Variants in MEMO1 observed in about 807,000 individuals in gnomAD.
MEMO1 encodes protein MEMO1.
In MEMO1, 6 loss-of-function variants were observed where a neutral mutation model predicts 45.2. The observed-to-expected ratio is 0.13, with a 90% CI of 0.07 to 0.26. The LOEUF is 0.26. Among genes scored for constraint, MEMO1 ranks in the 10% least tolerant of loss-of-function variants. The pLI is 1.00. For synonymous variants in MEMO1, 78 were observed against 124.3 expected (o/e 0.63, Z 2.48); for missense variants, 184 against 370.5 (o/e 0.50, Z 4.13).
At chr2:31,869,973 G>T in intron 8 of MEMO1, 21 bp from the exon 9 acceptor site, 2 of 1,306,716 alleles carry the variant, frequency 1.5e-6, no homozygotes, top group East Asian at 2.7e-5. Flanking sequence ...AAAAAAAGAA[G>T]AGGAAGAAAA....
In MEMO1 at chr2:31,959,072, A is replaced by G. The variant is rs139682081; in HGVS notation, c.62-15689T>C. On this transcript the variant is annotated intron_variant, in intron 2 of 9. Coordinates refer to ENST00000404530, the MANE Select transcript of MEMO1 (RefSeq NM_001301833.4). ...GAATAATAATACCAGTACCAATAAC[A>G]AGATCAAGGAAAGCCATGAAGTTTG... 7.6e-3 allele frequency among the ~76,000 whole-genome samples: 1,160 copies of G among 152,316 alleles called. 16 individuals carry two copies. The highest frequency in any genetic ancestry group is 0.024 in the African/African-American group (989 of 41,560).
chr2:31,942,234 T>TA (rs1329356899), intron 3 of MEMO1, among the ~76,000 whole-genome samples: 1 of 152,124 alleles, frequency 6.6e-6, no homozygotes, highest in South Asian at 2.1e-4. Context: ...TTTTCTCAAT[T>TA]AAAAAAAGAC....
chr2:31,911,019 G>A (rs1319309769), intron 6 of MEMO1, among the ~76,000 whole-genome samples: 1 of 151,546 alleles, frequency 6.6e-6, no homozygotes, highest in Non-Finnish European at 1.5e-5. Flanking sequence ...AACCAGAGAA[G>A]GCAGGAAAAA....
chr2:31,945,830 G>A (rs1572766734), intron 2 of MEMO1, among the ~76,000 whole-genome samples: 1 of 152,134 alleles, frequency 6.6e-6, no homozygotes, highest in Non-Finnish European at 1.5e-5. Flanking sequence ...TCACACACAA[G>A]GTTGCTCCAA....
intron 2 of MEMO1, among the ~76,000 whole-genome samples, chr2:31,976,954 C>T (rs757701807): frequency 6.6e-6 from 1 of 151,938 alleles, no homozygotes; most frequent in Non-Finnish European, 1.5e-5. Context: ...CAAAAAAGCA[C>T]CAGCAACAGC....
intron 3 of MEMO1, among the ~76,000 whole-genome samples, chr2:31,936,522 G>C (rs773714611): frequency 1.8e-4 from 28 of 152,164 alleles, no homozygotes; most frequent in Non-Finnish European, 2.4e-4. Context: ...CCTGACACCA[G>C]AATTTCTGTT....
chr2:31,913,121 T>A (rs1233712078), intron 6 of MEMO1, among the ~76,000 whole-genome samples: 1 of 151,614 alleles, frequency 6.6e-6, no homozygotes, highest in Non-Finnish European at 1.5e-5. Flanking sequence ...AAAAATTAGC[T>A]GGGCATGGTG....
At chr2:31,968,678 A>C (rs578261133) in intron 2 of MEMO1, among the ~76,000 whole-genome samples, 180 of 152,276 alleles carry the variant, frequency 1.2e-3, no homozygotes, top group African/African-American at 4.2e-3. Flanking sequence ...CTTGCATTCC[A>C]ATCTCCATGC....
At chr2:31,940,781 C>A (rs1665519290) in intron 3 of MEMO1, among the ~76,000 whole-genome samples, 1 of 152,212 alleles carries the variant, frequency 6.6e-6, no homozygotes, top group African/African-American at 2.4e-5. Context: ...AATCCTCCTG[C>A]TTAGGCCTCC....
At chr2:31,922,041 A>C (rs13385341) in intron 4 of MEMO1, among the ~76,000 whole-genome samples, 1,571 of 152,256 alleles carry the variant, frequency 0.01, 29 homozygotes, top group South Asian at 0.062. Flanking sequence ...CATATGAACC[A>C]ACCTTCCCAC....
intron 6 of MEMO1, among the ~76,000 whole-genome samples, chr2:31,899,304 C>A (rs1462992358): frequency 6.6e-6 from 1 of 152,108 alleles, no homozygotes; most frequent in Non-Finnish European, 1.5e-5. Flanking sequence ...GCTACAGTAA[C>A]CAAAACAGCA....
At chr2:31,995,382 A>C (rs1672465181) in intron 2 of MEMO1, among the ~76,000 whole-genome samples, 1 of 152,200 alleles carries the variant, frequency 6.6e-6, no homozygotes, top group African/African-American at 2.4e-5. Context: ...TGAACCTGGG[A>C]GGTGGAGGTT....
intron 4 of MEMO1, among the ~76,000 whole-genome samples, chr2:31,926,561 A>G (rs151291218): frequency 2.6e-4 from 39 of 152,120 alleles, no homozygotes; most frequent in African/African-American, 8.4e-4. Context: ...AAGAAATGTT[A>G]TTTTTTGCCA....
chr2:31,927,481 A>G (rs980855695), intron 4 of MEMO1, among the ~76,000 whole-genome samples: 10 of 152,172 alleles, frequency 6.6e-5, no homozygotes, highest in South Asian at 2.1e-4. Context: ...TTCTAACTAC[A>G]TATCTGTGTG....
intron 2 of MEMO1, among the ~76,000 whole-genome samples, chr2:31,980,062 A>G (rs1670460235): frequency 6.6e-6 from 1 of 152,138 alleles, no homozygotes; most frequent in South Asian, 2.1e-4. Context: ...ATCTAAAAAC[A>G]GTACTTTTAA....
At chr2:31,933,376 T>C (rs1461492903) in intron 3 of MEMO1, among the ~76,000 whole-genome samples, 2 of 76,388 alleles carry the variant, frequency 2.6e-5, no homozygotes, top group African/African-American at 1.0e-4. Context: ...TATATATATA[T>C]ATATATAGAA....
Position 31,923,745 on chromosome 2 carries a change from C to G in MEMO1, c.213-2835G>C, listed in dbSNP as rs560693393. The G allele has an allele frequency of 1.6e-4, 245 of 1,531,346 alleles. 6 individuals are homozygous for G. The South Asian group carries it at 2.9e-3, about 18-fold the overall frequency. The allele number at this position is 1,531,346 out of a possible 1,614,324, so 94.9% of individuals were successfully genotyped here. On this transcript the variant is annotated intron_variant, in intron 4 of 9. Coordinates refer to ENST00000404530, the MANE Select transcript of MEMO1 (RefSeq NM_001301833.4). ...GCACTCCTGGAAAATCTGAAACACA[C>G]AGTCAAAATATGAAGTGATTTTTAA...
At chr2:31,922,343 GAAAA>G (rs748280495) in intron 4 of MEMO1, among the ~76,000 whole-genome samples, 1 of 118,686 alleles carries the variant, frequency 8.4e-6, no homozygotes, top group Non-Finnish European at 1.8e-5. Context: ...GTTCTGCTAT[GAAAA>G]AAAAAAAAAA....
Position 31,963,485 on chromosome 2 carries a change from T to C in MEMO1, c.62-20102A>G, listed in dbSNP as rs138275361. 1.9e-3 allele frequency among the ~76,000 whole-genome samples: 282 copies of C among 152,298 alleles called. 2 individuals are homozygous for C. The highest frequency in any genetic ancestry group is 6.3e-3 in the African/African-American group (263 of 41,562). ...CAATGGTAGGAAACAAATTCATTAT[T>C]TGGAAAACTGGTAAATAAAAGAAAA... On this transcript the variant is annotated intron_variant, in intron 2 of 9. Coordinates refer to ENST00000404530, the MANE Select transcript of MEMO1 (RefSeq NM_001301833.4).
Sources: gnomAD v4.1 joint callset for allele counts (sites outside exome capture counted in the v4.1 genomes callset) on GRCh38, gnomAD v4.1.1 for gene constraint, MANE v1.5 for transcripts, NCBI Gene and HGNC (gene_info 2026-07-23, HGNC 2026-07-21) for gene names.